GRM7: variants seen among roughly 807,000 people sequenced by gnomAD.
GRM7 encodes the protein metabotropic glutamate receptor 7.
GRM7 carries 35 observed loss-of-function variants against 84.5 expected under a neutral mutation model. The ratio of observed to expected loss-of-function variants is 0.41; its 90% CI spans 0.32 to 0.55. The LOEUF (loss-of-function observed/expected upper bound fraction) is 0.55, where lower values mean the gene tolerates loss of function less well. Among genes scored for constraint, GRM7 ranks in the 20% least tolerant of loss-of-function variants. The probability of loss-of-function intolerance (pLI) is 0.19; values close to 1 mark genes in which losing one functional copy is unlikely to be tolerated. For synonymous variants in GRM7, 487 were observed against 455.1 expected (o/e 1.07, Z -0.89); for missense variants, 1,003 against 1,194.6 (o/e 0.84, Z 2.36).
chr3:7,601,713 T>G (rs1324756927), intron 8 of GRM7, among the ~76,000 whole-genome samples: 1 of 152,070 alleles, frequency 6.6e-6, no homozygotes, highest in Non-Finnish European at 1.5e-5. Context: ...CCAGGAGTCA[T>G]CAAGAATTCA....
chr3:7,299,142 C>T (rs1699911938), intron 3 of GRM7, among the ~76,000 whole-genome samples: 1 of 152,162 alleles, frequency 6.6e-6, no homozygotes, highest in Non-Finnish European at 1.5e-5. Context: ...GAATGGTTCT[C>T]TTAATGTAAA....
intron 5 of GRM7, among the ~76,000 whole-genome samples, chr3:7,424,762 A>G (rs2124835242): frequency 6.6e-6 from 1 of 152,334 alleles, no homozygotes; most frequent in South Asian, 2.1e-4. Flanking sequence ...CTTTTATTCC[A>G]GTACAGGAGG....
intron 7 of GRM7, among the ~76,000 whole-genome samples, chr3:7,469,757 C>T (rs1423191716): frequency 4.6e-5 from 7 of 152,158 alleles, no homozygotes; most frequent in African/African-American, 1.7e-4. Flanking sequence ...TTTTATTTGT[C>T]AGCATCTCTG....
intron 2 of GRM7, among the ~76,000 whole-genome samples, chr3:7,196,445 GC>G (rs927207051): frequency 1.3e-5 from 2 of 152,028 alleles, no homozygotes; most frequent in African/African-American, 4.8e-5. Context: ...GTAGAGTCTG[GC>G]CCCTGCCTAA....
At chr3:7,671,787 A>G (rs1699928423) in intron 8 of GRM7, among the ~76,000 whole-genome samples, 1 of 152,016 alleles carries the variant, frequency 6.6e-6, no homozygotes, top group Admixed American at 6.6e-5. Flanking sequence ...TTCTGGCACC[A>G]GTATGTGACA....
At chr3:7,730,843 C>G (rs1326744436) in intron 9 of GRM7, among the ~76,000 whole-genome samples, 2 of 152,142 alleles carry the variant, frequency 1.3e-5, no homozygotes, top group African/African-American at 4.8e-5. Context: ...TGCACAAAAG[C>G]TTTTCAGTGC....
Position 7,569,885 on chromosome 3 carries a change from G to A in GRM7, c.1516-8537G>A, listed in dbSNP as rs140938532. ...AGAAGGAACAAACTCCGGACACGCC[G>A]CCTTTAAGAACTGCAACACTCACCG... On this transcript the variant is annotated intron_variant, in intron 7 of 9. Transcript: ENST00000357716. Among the ~76,000 whole-genome samples, 1,079 of 152,168 alleles carry A rather than the reference G, an allele frequency of 7.1e-3. 11 individuals are homozygous for A. Among genetic ancestry groups the A allele is most frequent in the African/African-American group, 0.025 (1,032 of 41,510 alleles).
chr3:7,498,725 A>C (rs567263866), intron 7 of GRM7, among the ~76,000 whole-genome samples: 1 of 152,326 alleles, frequency 6.6e-6, no homozygotes, highest in Admixed American at 6.5e-5. Flanking sequence ...GACATCGCCT[A>C]GTTCAGTGGT....
chr3:7,349,506 T>G (rs1039079874), intron 4 of GRM7, among the ~76,000 whole-genome samples: 1 of 152,132 alleles, frequency 6.6e-6, no homozygotes, highest in African/African-American at 2.4e-5. Flanking sequence ...TACTCATAGA[T>G]GGAAGAGAAT....
At chr3:6,889,443 C>T (rs201681671) in intron 1 of GRM7, among the ~76,000 whole-genome samples, 2 of 150,212 alleles carry the variant, frequency 1.3e-5, no homozygotes, top group Non-Finnish European at 3.0e-5. Flanking sequence ...TAGCATGAAG[C>T]GTTGTTGAAT....
Position 7,256,428 on chromosome 3 carries a change from A to G in GRM7, c.737-42256A>G, listed in dbSNP as rs531975500. On this transcript the variant is annotated intron_variant, in intron 2 of 9. Transcript: ENST00000357716. Reference sequence around the variant, plus strand: ...GAAGGAACATATTTAAAAAAGCAGCATAGCTTGGCAGCCCACAATTTTATC... The same window carrying G: ...GAAGGAACATATTTAAAAAAGCAGCGTAGCTTGGCAGCCCACAATTTTATC... Among the ~76,000 whole-genome samples, 99 of 152,334 alleles carry G rather than the reference A, an allele frequency of 6.5e-4. 1 individual carries two copies. Among genetic ancestry groups the G allele is most frequent in the African/African-American group, 2.1e-3 (87 of 41,572 alleles).
chr3:7,433,088 A>C (rs1459840600), intron 5 of GRM7, among the ~76,000 whole-genome samples: 2 of 152,234 alleles, frequency 1.3e-5, no homozygotes, highest in African/African-American at 4.8e-5. Flanking sequence ...CCTTCTATGG[A>C]CACAATAATG....
chr3:6,952,495 T>G (rs764140889), intron 1 of GRM7, among the ~76,000 whole-genome samples: 3 of 152,216 alleles, frequency 2.0e-5, no homozygotes, highest in African/African-American at 4.8e-5. Context: ...TGCAGTAATC[T>G]CTCCAGTTGC....
intron 2 of GRM7, among the ~76,000 whole-genome samples, chr3:7,212,169 T>A (rs1696452184): frequency 6.6e-6 from 1 of 150,694 alleles, no homozygotes; most frequent in African/African-American, 2.5e-5. Context: ...TTTTTCAAGC[T>A]TTTTGGCTTC....
chr3:6,978,348 T>G (rs566239083), intron 1 of GRM7, among the ~76,000 whole-genome samples: 1 of 152,280 alleles, frequency 6.6e-6, no homozygotes, highest in East Asian at 1.9e-4. Context: ...ACCTTGATTA[T>G]AAACTTCTAG....
chr3:7,222,856 G>T (rs779093195), intron 2 of GRM7, among the ~76,000 whole-genome samples: 3 of 152,064 alleles, frequency 2.0e-5, no homozygotes, highest in Admixed American at 6.6e-5. Context: ...TTCTTTTTTA[G>T]TGCCAGTCTT....
chr3:7,695,765 A>ATTAG (rs1439858474), intron 9 of GRM7, among the ~76,000 whole-genome samples: 1 of 152,180 alleles, frequency 6.6e-6, no homozygotes, highest in African/African-American at 2.4e-5. Flanking sequence ...TTAGGATTAG[A>ATTAG]TTAGTTAATA....
At chr3:7,198,883 G>A (rs577218027) in intron 2 of GRM7, among the ~76,000 whole-genome samples, 6 of 152,252 alleles carry the variant, frequency 3.9e-5, no homozygotes, top group African/African-American at 1.2e-4. Context: ...CCTCAAAAGG[G>A]TGGTGAGGTT....
At chr3:7,081,427 A>G (rs1698271433) in intron 1 of GRM7, among the ~76,000 whole-genome samples, 1 of 152,040 alleles carries the variant, frequency 6.6e-6, no homozygotes, top group South Asian at 2.1e-4. Context: ...AAGACAATAA[A>G]CTTAATCAGT....
Sources: allele counts gnomAD v4.1 joint callset (sites outside exome capture counted in the v4.1 genomes callset), GRCh38; gene constraint gnomAD v4.1.1; transcripts MANE v1.5; gene names NCBI Gene and HGNC (gene_info 2026-07-23, HGNC 2026-07-21).